Variants in SPATA6 observed in about 807,000 individuals in gnomAD.
The protein encoded by SPATA6 is spermatogenesis associated 6.
In SPATA6, 56 loss-of-function variants were observed where a neutral mutation model predicts 65.3. The ratio of observed to expected loss-of-function variants is 0.86; its 90% CI spans 0.69 to 1.07. The LOEUF is 1.07. Among genes scored for constraint, SPATA6 ranks in the 50% least tolerant of loss-of-function variants. The pLI, the probability that SPATA6 is intolerant of heterozygous loss-of-function variation, is 0.00. For missense variants in SPATA6, 590 were observed against 594.8 expected, an observed-to-expected ratio of 0.99 and a Z score of 0.08; for synonymous variants, 199 against 213.2, an observed-to-expected ratio of 0.93 and a Z score of 0.58.
intron 3 of SPATA6, among the ~76,000 whole-genome samples, chr1:48,450,078 A>G (rs141211044): frequency 7.8e-4 from 118 of 152,194 alleles, no homozygotes; most frequent in African/African-American, 2.7e-3. Context: ...CAGTACAGTA[A>G]GGGAGGAGTA....
chr1:48,426,188 G>A (rs892767624), intron 3 of SPATA6, among the ~76,000 whole-genome samples: 2 of 152,162 alleles, frequency 1.3e-5, no homozygotes, highest in African/African-American at 4.8e-5. Context: ...TTCACAAGGA[G>A]AAGGAAGAGT....
intron 3 of SPATA6, among the ~76,000 whole-genome samples, chr1:48,422,148 G>A (rs953892399): frequency 6.6e-6 from 1 of 152,132 alleles, no homozygotes; most frequent in African/African-American, 2.4e-5. Flanking sequence ...ATATTAATGA[G>A]AAACAGATTT....
chr1:48,472,102 G>A lies in SPATA6; in HGVS notation c.-94C>T. On this transcript the variant is annotated 5_prime_UTR_variant, in exon 1 of 13. Coordinates refer to ENST00000371847, the MANE Select transcript of SPATA6 (RefSeq NM_019073.4). ...TGGGCGGGGACGGGGAGGAGACGAG[G>A]TGGCGGCGGCGGTGGCAGCAGTGGC... 2 of 1,046,956 alleles carry A rather than the reference G, an allele frequency of 1.9e-6. No homozygotes were observed. The highest frequency in any genetic ancestry group is 2.6e-6 in the Non-Finnish European group (2 of 764,252). 64.9% of individuals were successfully genotyped at this position (1,046,956 alleles called of 1,614,324 possible). A position where few individuals can be genotyped will look rare whatever the true frequency, so the allele number is the denominator to read the frequency against.
rs1322098500 is a variant in SPATA6, at chr1:48,355,759, C to T, written c.1105G>A (p.Asp369Asn). Residue 369 changes from aspartate to asparagine, a missense_variant, in exon 11 of 13, where the codon GAT becomes AAT. Coordinates refer to ENST00000371847, the MANE Select transcript of SPATA6 (RefSeq NM_019073.4). ...RASLRERFHS[D>N]WCSPSNCDEI... ...TCGCAGTTTGAAGGTGAACACCAAT[C>T]AGAATGAAATCTGTAGGCAAAAAAT... is the stretch of plus-strand genomic sequence containing the variant. The T allele has an allele frequency of 3.1e-6, 5 of 1,611,644 alleles. No individual in the cohort carries two copies. The South Asian group carries it at 4.4e-5, about 14-fold the overall frequency.
chr1:48,442,717 T>TAAAAAAA (rs71056669), intron 3 of SPATA6, among the ~76,000 whole-genome samples: 7 of 46,216 alleles, frequency 1.5e-4, no homozygotes, highest in African/African-American at 5.5e-4. Context: ...ATGGAAGTAG[T>TAAAAAAA]AAAAAAAAAA....
chr1:48,322,940 T>C (rs1645641628), intron 11 of SPATA6, among the ~76,000 whole-genome samples: 1 of 152,188 alleles, frequency 6.6e-6, no homozygotes, highest in African/African-American at 2.4e-5. Flanking sequence ...GGAGAGGATG[T>C]AGAGAAATAG....
At chr1:48,369,870 G>A (rs1647183314) in intron 9 of SPATA6, among the ~76,000 whole-genome samples, 1 of 152,146 alleles carries the variant, frequency 6.6e-6, no homozygotes, top group Non-Finnish European at 1.5e-5. Context: ...TTTCTGCGTC[G>A]CTCACGCTGG....
intron 5 of SPATA6, among the ~76,000 whole-genome samples, chr1:48,404,612 G>GA (rs1321754602): frequency 6.6e-6 from 1 of 151,736 alleles, no homozygotes; most frequent in East Asian, 1.9e-4. Context: ...CAAAGCACTG[G>GA]AATTACAGGC....
rs1285320391 is a variant in SPATA6 at position 48,359,722 on chromosome 1, A to G, written c.958T>C (p.Cys320Arg). The change falls in exon 10 of 13, where the codon TGT becomes CGT. Residue 320 changes from cysteine (C) to arginine (R), a missense_variant. By Grantham distance (180) the Cys-to-Arg change is radical. Coordinates refer to ENST00000371847, the MANE Select transcript of SPATA6 (RefSeq NM_019073.4). Reference protein sequence around the residue: ...GRDFDDSLEKCEEYLSPRSCS... With the variant: ...GRDFDDSLEKREEYLSPRSCS... ...GACCTTGGGCTCAAATACTCTTCAC[A>G]TTTTTCTAAAGAGTCATCGAAGTCT... The G allele has an allele frequency of 3.7e-6, 6 of 1,613,392 alleles. No individual in the cohort carries two copies. The highest frequency in any genetic ancestry group is 1.1e-5 in the South Asian group (1 of 91,060).
In SPATA6 at chr1:48,324,663, T is replaced by C. The variant is rs372864583; in HGVS notation, c.1195-18785A>G. On this transcript the variant is annotated intron_variant, in intron 11 of 12. Coordinates refer to ENST00000371847, the MANE Select transcript of SPATA6 (RefSeq NM_019073.4). ...CAACACCCCTTCATAATAAAAACTC[T>C]CAAAAAAACTGAGTATATAAAGAAC... 4.6e-5 allele frequency among the ~76,000 whole-genome samples: 7 copies of C among 151,870 alleles called. No homozygotes were observed. The East Asian group carries it at 1.2e-3, about 25-fold the overall frequency.
intron 8 of SPATA6, among the ~76,000 whole-genome samples, chr1:48,390,382 G>A (rs181060108): frequency 1.3e-5 from 2 of 152,282 alleles, no homozygotes; most frequent in East Asian, 3.9e-4. Context: ...ATAGAAAGTA[G>A]AATAATCGAT....
intron 11 of SPATA6, among the ~76,000 whole-genome samples, chr1:48,315,905 G>A (rs1271789156): frequency 6.6e-6 from 1 of 152,058 alleles, no homozygotes; most frequent in East Asian, 1.9e-4. Context: ...AACAAACAGA[G>A]AGCCAAATCA....
chr1:48,434,716 C>T (rs1042863592), intron 3 of SPATA6, among the ~76,000 whole-genome samples: 1 of 151,644 alleles, frequency 6.6e-6, no homozygotes, highest in Non-Finnish European at 1.5e-5. Flanking sequence ...GTGTGTGTGT[C>T]TGTAGATGAA....
intron 3 of SPATA6, among the ~76,000 whole-genome samples, chr1:48,420,979 T>TA (rs1468418815): frequency 2.0e-5 from 3 of 151,792 alleles, no homozygotes; most frequent in Admixed American, 6.6e-5. Flanking sequence ...TGATGAAATC[T>TA]AAAAAAAACT....
At chr1:48,399,180 A>G in intron 7 of SPATA6, 171 bp downstream of exon 7, 1 of 781,356 alleles carries the variant, frequency 1.3e-6, no homozygotes, top group Non-Finnish European at 1.9e-6. Context: ...ACTGAAAAAA[A>G]GCAAGTTCTT....
At chr1:48,349,291 C>T (rs954063929) in intron 11 of SPATA6, among the ~76,000 whole-genome samples, 3 of 152,048 alleles carry the variant, frequency 2.0e-5, no homozygotes, top group South Asian at 2.1e-4. Context: ...AAGTATTTAA[C>T]ATCTTACAGT....
At chr1:48,276,066 G>C in the SPATA6 span, among the ~76,000 whole-genome samples, 1 of 152,074 alleles carries the variant, frequency 6.6e-6, no homozygotes, top group Admixed American at 6.5e-5. Context: ...GTCTTGGGAA[G>C]GTGTCTGTGT....
chr1:48,403,754 T>C, intron 6 of SPATA6, 48 bp downstream of exon 6: 1 of 1,467,138 alleles, frequency 6.8e-7, no homozygotes, highest in Non-Finnish European at 9.2e-7. Context: ...GCCACAAATA[T>C]GACCAAATAA....
At chr1:48,418,787 G>GGGAAGGAA (rs1287639238) in intron 3 of SPATA6, among the ~76,000 whole-genome samples, 8 of 121,240 alleles carry the variant, frequency 6.6e-5, no homozygotes, top group African/African-American at 1.6e-4. Flanking sequence ...GAAGGAAGAA[G>GGGAAGGAA]GGAAGGAAGG....
Sources: allele counts gnomAD v4.1 joint callset (sites outside exome capture counted in the v4.1 genomes callset), GRCh38; gene constraint gnomAD v4.1.1; transcripts MANE v1.5; gene names NCBI Gene and HGNC (gene_info 2026-07-23, HGNC 2026-07-21).